The following VAT1L variants were observed in gnomAD, a reference collection of about 807,000 sequenced individuals.
The protein encoded by VAT1L is putative NADPH-dependent quinone oxidoreductase VAT1L.
VAT1L carries 34 observed loss-of-function variants against 44.1 expected under a neutral mutation model. That is an observed-to-expected ratio of 0.77 (90% confidence interval 0.59 to 1.03). VAT1L has a LOEUF of 1.03. Ranked by LOEUF, VAT1L falls within the 50% of genes least tolerant of loss-of-function variation. VAT1L has a pLI of 0.00. For synonymous variants in VAT1L, 253 were observed against 202.2 expected, an observed-to-expected ratio of 1.25 and a Z score of -2.13; for missense variants, 615 against 538.8, an observed-to-expected ratio of 1.14 and a Z score of -1.40.
At chr16:77,922,579 C>A (rs921914466) in intron 7 of VAT1L, among the ~76,000 whole-genome samples, 1 of 152,078 alleles carries the variant, frequency 6.6e-6, no homozygotes, top group African/African-American at 2.4e-5. Context: ...GTGACATGTG[C>A]CAGCAAGGAC....
chr16:77,946,279 C>CTTTTTTT (rs66461822), intron 7 of VAT1L, among the ~76,000 whole-genome samples: 21,630 of 68,952 alleles, frequency 0.31, 7,853 homozygotes, highest in South Asian at 0.38. Flanking sequence ...GTTACTTGTT[C>CTTTTTTT]TTTTTTTTTT....
chr16:77,870,194 C>G (rs11649054), intron 4 of VAT1L, among the ~76,000 whole-genome samples: 59,801 of 152,064 alleles, frequency 0.39, 12,373 homozygotes, highest in East Asian at 0.53. Flanking sequence ...AGAAGCCTAC[C>G]GTAGAGTAGG....
chr16:77,835,594 T>A (rs112332770), intron 3 of VAT1L, among the ~76,000 whole-genome samples: 1 of 152,104 alleles, frequency 6.6e-6, no homozygotes, highest in East Asian at 1.9e-4. Context: ...TGTTCATGGC[T>A]GGGTGTGGTC....
chr16:77,920,060 G>C (rs1489891462), intron 7 of VAT1L, among the ~76,000 whole-genome samples: 1 of 152,028 alleles, frequency 6.6e-6, no homozygotes, highest in Non-Finnish European at 1.5e-5. Context: ...CTCCAGCCTG[G>C]GCTACAAAGA....
intron 1 of VAT1L, among the ~76,000 whole-genome samples, chr16:77,813,679 T>G (rs1288845701): frequency 6.6e-6 from 1 of 152,238 alleles, no homozygotes; most frequent in African/African-American, 2.4e-5. Flanking sequence ...GTCAACTAGA[T>G]CTCTGTCACT....
intron 3 of VAT1L, among the ~76,000 whole-genome samples, chr16:77,846,724 T>C (rs1763474498): frequency 6.6e-6 from 1 of 152,224 alleles, no homozygotes; most frequent in South Asian, 2.1e-4. Context: ...GGAATTATGG[T>C]ATATCTATAT....
At chr16:77,890,856 G>A (rs886364526) in intron 7 of VAT1L, among the ~76,000 whole-genome samples, 7 of 151,310 alleles carry the variant, frequency 4.6e-5, no homozygotes, top group Admixed American at 1.3e-4. Flanking sequence ...TCTTGGGGGT[G>A]GAGGTTGCAG....
At chr16:77,907,091 CG>C (rs2017445329) in intron 7 of VAT1L, among the ~76,000 whole-genome samples, 1 of 152,160 alleles carries the variant, frequency 6.6e-6, no homozygotes, top group South Asian at 2.1e-4. Context: ...CCAGCCCTAG[CG>C]GGGGAAAAAA....
Position 77,934,584 on chromosome 16 carries a change from C to A in VAT1L, c.1078-37266C>A, listed in dbSNP as rs537017553. On this transcript the variant is annotated intron_variant, in intron 7 of 8. Coordinates refer to ENST00000302536, the MANE Select transcript of VAT1L (RefSeq NM_020927.3). Reference sequence around the variant, plus strand: ...ACCTCTAGAACTATAACATAATAAACCCCTGTTGGTTTAAGCCACTAAGTC... The same window carrying A: ...ACCTCTAGAACTATAACATAATAAAACCCTGTTGGTTTAAGCCACTAAGTC... 1.1e-4 allele frequency among the ~76,000 whole-genome samples: 17 copies of A among 152,186 alleles called. No homozygotes were observed. In the South Asian group the frequency reaches 3.3e-3, roughly 30 times the overall value.
intron 1 of VAT1L, among the ~76,000 whole-genome samples, chr16:77,799,872 G>A (rs1316828865): frequency 2.0e-5 from 3 of 152,194 alleles, no homozygotes; most frequent in Admixed American, 6.5e-5. Context: ...AATTTTCTCT[G>A]TGATCAGTTA....
At chr16:77,936,749 G>A (rs569291087) in intron 7 of VAT1L, among the ~76,000 whole-genome samples, 2 of 152,252 alleles carry the variant, frequency 1.3e-5, no homozygotes, top group South Asian at 4.1e-4. Context: ...GCTCCATCTT[G>A]TAAGGATTAA....
At chr16:77,849,179 TA>T (rs2016784883) in intron 3 of VAT1L, among the ~76,000 whole-genome samples, 1 of 152,068 alleles carries the variant, frequency 6.6e-6, no homozygotes, top group Non-Finnish European at 1.5e-5. Flanking sequence ...TCCCAGAACT[TA>T]AAGTATAATA....
intron 3 of VAT1L, among the ~76,000 whole-genome samples, chr16:77,837,765 C>G (rs907637755): frequency 6.6e-6 from 1 of 152,130 alleles, no homozygotes; most frequent in African/African-American, 2.4e-5. Flanking sequence ...CTATAAAGAA[C>G]AGGTCTAATA....
At chr16:77,962,639 T>A (rs940637635) in intron 7 of VAT1L, among the ~76,000 whole-genome samples, 6 of 151,334 alleles carry the variant, frequency 4.0e-5, no homozygotes, top group African/African-American at 1.2e-4. Context: ...TCCCAGCACA[T>A]CAGGAGGCCA....
intron 7 of VAT1L, among the ~76,000 whole-genome samples, chr16:77,951,383 T>TA (rs2018040729): frequency 6.6e-6 from 1 of 152,062 alleles, no homozygotes; most frequent in Non-Finnish European, 1.5e-5. Context: ...TCGTCTTTGC[T>TA]AAAAATACAA....
chr16:77,918,651 A>G (rs1428652426), intron 7 of VAT1L, among the ~76,000 whole-genome samples: 5 of 152,170 alleles, frequency 3.3e-5, no homozygotes, highest in African/African-American at 9.7e-5. Flanking sequence ...ACCATCTTCC[A>G]ATTGGTTCTC....
intron 7 of VAT1L, among the ~76,000 whole-genome samples, chr16:77,929,345 G>A (rs941462732): frequency 2.0e-5 from 3 of 152,146 alleles, no homozygotes; most frequent in Non-Finnish European, 4.4e-5. Flanking sequence ...GGTAGAAAGA[G>A]GAGTTATATG....
At chr16:77,872,427 TCTGAAAACAGAC>T (rs1205333605) in intron 4 of VAT1L, among the ~76,000 whole-genome samples, 1 of 152,040 alleles carries the variant, frequency 6.6e-6, no homozygotes, top group Non-Finnish European at 1.5e-5. Context: ...CAATTTCTGC[TCTGAAAACAGAC>T]CTGGGGAGAA....
Position 77,940,815 on chromosome 16 carries a change from G to A in VAT1L, c.1078-31035G>A, listed in dbSNP as rs74979983. On this transcript the variant is annotated intron_variant, in intron 7 of 8. Transcript: ENST00000302536. ...CTACTCTTATGTGAGATGACTTGGTGGGGGGCTGGGACATGGAATAGCCTT... is the reference window on the plus strand; with the variant it reads ...CTACTCTTATGTGAGATGACTTGGTAGGGGGCTGGGACATGGAATAGCCTT... 1.9e-3 allele frequency among the ~76,000 whole-genome samples: 288 copies of A among 152,230 alleles called. 1 individual carries two copies. The highest frequency in any genetic ancestry group is 6.8e-3 in the Middle Eastern group (2 of 294).
Sources: gnomAD v4.1 joint callset for allele counts (sites outside exome capture counted in the v4.1 genomes callset) on GRCh38, gnomAD v4.1.1 for gene constraint, MANE v1.5 for transcripts, NCBI Gene and HGNC (gene_info 2026-07-23, HGNC 2026-07-21) for gene names.